LDAF1: variants seen among roughly 807,000 people sequenced by gnomAD.
LDAF1 encodes the protein lipid droplet assembly factor 1.
Under a neutral mutation model 13.5 loss-of-function variants are expected in LDAF1, and 7 were observed. The ratio of observed to expected loss-of-function variants is 0.52; its 90% CI spans 0.29 to 0.97. LDAF1 has a LOEUF of 0.97. LDAF1 is among the 50% of genes least tolerant of loss of function. The pLI is 0.07. For missense variants in LDAF1, 148 were observed against 193.2 expected (o/e 0.77, Z 1.39); for synonymous variants, 69 against 77.1 (o/e 0.89, Z 0.55).
At chr16:21,167,702 T>TTTTTTTTTTTTTTC in intron 2 of LDAF1, among the ~76,000 whole-genome samples, 1 of 141,040 alleles carries the variant, frequency 7.1e-6, no homozygotes, top group Non-Finnish European at 1.5e-5. Flanking sequence ...GTTTGTTTTT[T>TTTTTTTTTTTTTTC]TTTTTTTGAA....
intron 2 of LDAF1, among the ~76,000 whole-genome samples, chr16:21,167,696 G>GTTTTTTTTTTTGTTT (rs1555584375): frequency 2.2e-5 from 2 of 89,092 alleles, no homozygotes; most frequent in Non-Finnish European, 4.0e-5. Context: ...CCTTAGGTTT[G>GTTTTTTTTTTTGTTT]TTTTTTTTTT....
chr16:21,167,697 T>TTTTTTTTTTTTTTTG lies in LDAF1; in HGVS notation c.97-2728_97-2727insTTGTTTTTTTTTTTT, dbSNP rs1555584385. Among the ~76,000 whole-genome samples, 16 of 23,832 alleles carry TTTTTTTTTTTTTTTG rather than the reference T, an allele frequency of 6.7e-4. No homozygotes were observed. The South Asian group carries it at 0.014, about 21-fold the overall frequency. 15.6% of individuals were successfully genotyped at this position (23,832 alleles called of 152,430 possible). The stretch of plus-strand genomic sequence containing the variant: ...TTCTGAGTCCAAGACCTTAGGTTTG[T>TTTTTTTTTTTTTTTG]TTTTTTTTTTTTGAAAAGGAGACTT... On this transcript the variant is annotated intron_variant, in intron 2 of 4. Coordinates refer to ENST00000233047, the MANE Select transcript of LDAF1 (RefSeq NM_001301771.2).
At chr16:21,167,696 GT>G (rs778992036) in intron 2 of LDAF1, among the ~76,000 whole-genome samples, 3 of 89,100 alleles carry the variant, frequency 3.4e-5, no homozygotes, top group South Asian at 4.7e-4. Flanking sequence ...CCTTAGGTTT[GT>G]TTTTTTTTTT....
chr16:21,165,844 C>T (rs200067109), intron 2 of LDAF1, among the ~76,000 whole-genome samples: 2 of 45,756 alleles, frequency 4.4e-5, no homozygotes, highest in Non-Finnish European at 8.6e-5. Context: ...CAAAAAGAAA[C>T]AAATGAGATT....
chr16:21,162,420 T>G (rs1344504653), intron 2 of LDAF1, among the ~76,000 whole-genome samples: 2 of 152,194 alleles, frequency 1.3e-5, no homozygotes, highest in African/African-American at 4.8e-5. Context: ...TTCTTGCATA[T>G]TTATCCTTAT....
chr16:21,177,413 T>C (rs1246199105), intron 4 of LDAF1: 1 of 152,212 alleles, frequency 6.6e-6, no homozygotes, highest in Non-Finnish European at 1.5e-5. Flanking sequence ...TGTCACACTT[T>C]AAATTGATCT....
intron 1 of LDAF1, chr16:21,159,187 T>G: frequency 2.3e-6 from 2 of 880,862 alleles, no homozygotes; most frequent in South Asian, 2.7e-5. Context: ...CGAGGTCCCC[T>G]TCCCCATCGC....
At chr16:21,164,599 TATGAAGA>T (rs1161966405) in intron 2 of LDAF1, among the ~76,000 whole-genome samples, 1 of 152,202 alleles carries the variant, frequency 6.6e-6, no homozygotes, top group African/African-American at 2.4e-5. Flanking sequence ...AGAGGTTTGT[TATGAAGA>T]TTATCTGAGA....
In LDAF1 at chr16:21,169,879, G is replaced by T; in HGVS notation, c.97-558G>T. Among the ~76,000 whole-genome samples, 2 of 151,324 alleles carry T rather than the reference G, an allele frequency of 1.3e-5. 1 individual carries two copies. The highest frequency in any genetic ancestry group is 3.9e-4 in the East Asian group (2 of 5,146). ...ACAGCTGCCTAAGATAGCTGCCTGGGTGACTCATGTCTTGGGAGAAGTCTT... is the reference window on the plus strand; with the variant it reads ...ACAGCTGCCTAAGATAGCTGCCTGGTTGACTCATGTCTTGGGAGAAGTCTT... On this transcript the variant is annotated intron_variant, in intron 2 of 4. Coordinates refer to ENST00000233047, the MANE Select transcript of LDAF1 (RefSeq NM_001301771.2).
At chr16:21,178,180 T>C in intron 4 of LDAF1, 2 of 984,792 alleles carry the variant, frequency 2.0e-6, no homozygotes, top group Non-Finnish European at 2.4e-6. Flanking sequence ...GTAGATCAGC[T>C]AGCCTCTGAG....
At chr16:21,161,506 G>T (rs558330577) in intron 2 of LDAF1, among the ~76,000 whole-genome samples, 2 of 152,308 alleles carry the variant, frequency 1.3e-5, no homozygotes, top group Non-Finnish European at 2.9e-5. Context: ...ATTTGAGGAG[G>T]GGGGAAGAGA....
At chr16:21,161,338 A>T in intron 2 of LDAF1, 60 bp downstream of exon 2, 1 of 1,561,750 alleles carries the variant, frequency 6.4e-7, no homozygotes. Flanking sequence ...CATAAACAAG[A>T]TAGAAAGTTA....
At position 21,177,566 on chromosome 16, in the gene LDAF1, G is replaced by A. The variant is rs377424132; in HGVS notation, c.405-1909G>A. On this transcript the variant is annotated intron_variant, in intron 4 of 4. Transcript: ENST00000233047. ...TGTGAGTGAAAAAGGCATATAATAG[G>A]TCATGTTATTGTGAACATGGTTTTC... is the stretch of plus-strand genomic sequence containing the variant. 4.2e-4 allele frequency among the ~76,000 whole-genome samples: 63 copies of A among 151,290 alleles called. 1 individual carries two copies. The East Asian group carries it at 5.6e-3, about 14-fold the overall frequency.
intron 3 of LDAF1, among the ~76,000 whole-genome samples, chr16:21,171,084 T>C (rs1467402422): frequency 1.3e-5 from 2 of 152,216 alleles, no homozygotes; most frequent in African/African-American, 4.8e-5. Flanking sequence ...CTAGCTATTA[T>C]TATTAAGCAG....
intron 2 of LDAF1, among the ~76,000 whole-genome samples, chr16:21,162,428 T>TA (rs2070855852): frequency 6.6e-6 from 1 of 152,206 alleles, no homozygotes; most frequent in Admixed American, 6.5e-5. Flanking sequence ...TATTTATCCT[T>TA]ATTGCTTTCT....
chr16:21,176,025 G>A (rs572557701), intron 4 of LDAF1, among the ~76,000 whole-genome samples: 11 of 152,122 alleles, frequency 7.2e-5, no homozygotes, highest in Admixed American at 1.3e-4. Flanking sequence ...AATTATAGGC[G>A]TAAGGCACTA....
chr16:21,161,071 T>G lies in LDAF1; in HGVS notation c.-98-14T>G, dbSNP rs958968824. On this transcript the variant is annotated splice_polypyrimidine_tract_variant and intron_variant, in intron 1 of 4. Transcript: ENST00000233047. ...ATGAAGACCACTAACGGCTTTTGTT[T>G]CCTCTGGTAACAGCAAGAGACAGAG... is the stretch of plus-strand genomic sequence containing the variant. 1 of 1,496,346 alleles carries G rather than the reference T, an allele frequency of 6.7e-7. No individual in the cohort carries two copies. Among genetic ancestry groups the G allele is most frequent in the South Asian group, 1.4e-5 (1 of 72,368 alleles). The allele number at this position is 1,496,346 out of a possible 1,614,324, so 92.7% of individuals were successfully genotyped here. A position where few individuals can be genotyped will look rare whatever the true frequency, so the allele number is the denominator to read the frequency against.
intron 1 of LDAF1, chr16:21,159,383 G>A (rs2152840074): frequency 6.2e-7 from 1 of 1,614,070 alleles, no homozygotes; most frequent in East Asian, 2.2e-5. Context: ...ACGCTGAAAG[G>A]CTGGGCCCGG....
chr16:21,177,409 A>C (rs1597568872), intron 4 of LDAF1: 1 of 152,242 alleles, frequency 6.6e-6, no homozygotes, highest in Non-Finnish European at 1.5e-5. Context: ...TCTGTGTCAC[A>C]CTTTAAATTG....
Sources: allele counts gnomAD v4.1 joint callset (sites outside exome capture counted in the v4.1 genomes callset), GRCh38; gene constraint gnomAD v4.1.1; transcripts MANE v1.5; gene names NCBI Gene and HGNC (gene_info 2026-07-23, HGNC 2026-07-21).